PAFAH1B2: variants seen among roughly 807,000 people sequenced by gnomAD.
The protein encoded by PAFAH1B2 is platelet-activating factor acetylhydrolase IB subunit alpha2.
In PAFAH1B2, 8 loss-of-function variants were observed where a neutral mutation model predicts 28.0. The ratio of observed to expected loss-of-function variants is 0.29; its 90% confidence interval spans 0.17 to 0.52. PAFAH1B2 has a LOEUF of 0.52. PAFAH1B2 is among the 20% of genes least tolerant of loss of function. The pLI is 0.97. For synonymous variants in PAFAH1B2, 104 were observed against 103.2 expected, an observed-to-expected ratio of 1.01 and a Z score of -0.05; for missense variants, 190 against 282.6, an observed-to-expected ratio of 0.67 and a Z score of 2.35.
intron 5 of PAFAH1B2, among the ~76,000 whole-genome samples, chr11:117,165,761 T>A (rs539523433): frequency 6.6e-6 from 1 of 151,808 alleles, no homozygotes; most frequent in Non-Finnish European, 1.5e-5. Context: ...GTTTGTTGGG[T>A]GAGCAGAGGA....
intron 2 of PAFAH1B2, among the ~76,000 whole-genome samples, chr11:117,152,972 A>G (rs1460983459): frequency 1.3e-5 from 2 of 152,064 alleles, no homozygotes; most frequent in African/African-American, 4.8e-5. Context: ...AGGCTGAGGC[A>G]GGAGAATCGC....
chr11:117,162,049 A>G (rs911365458), intron 4 of PAFAH1B2, among the ~76,000 whole-genome samples: 1 of 152,190 alleles, frequency 6.6e-6, no homozygotes, highest in African/African-American at 2.4e-5. Flanking sequence ...ATCTTATATC[A>G]TAAATACTCT....
intron 1 of PAFAH1B2, among the ~76,000 whole-genome samples, chr11:117,146,301 C>T (rs1956006770): frequency 6.6e-6 from 1 of 151,678 alleles, no homozygotes. Flanking sequence ...CCACGTTGGC[C>T]AGGCAGGTCT....
At position 117,167,691 on chromosome 11, in the gene PAFAH1B2, A is replaced by G. The variant is rs1158661659; in HGVS notation, c.682A>G (p.Ile228Val). 2.6e-6 allele frequency: 4 copies of G among 1,547,520 alleles called. No homozygotes were observed. The highest frequency in any genetic ancestry group is 2.3e-5 in the East Asian group (1 of 43,456). ...AACACCTGAGGAGAAACAAACCACC[A>G]TTGCCTGACTGGCTCTTATCAGTGT... ...EETPEEKQTT[I>V]A is the part of the protein sequence containing the mutation. The change falls in exon 6 of 6, where the codon ATT (isoleucine) becomes GTT (valine). Residue 228 changes from isoleucine (I) to valine (V), a missense_variant. Physicochemically the swap from Ile to Val is conservative, Grantham distance 29. Coordinates refer to ENST00000527958, the MANE Select transcript of PAFAH1B2 (RefSeq NM_002572.4).
At chr11:117,150,457 T>A (rs540022335) in intron 1 of PAFAH1B2, among the ~76,000 whole-genome samples, 37 of 149,978 alleles carry the variant, frequency 2.5e-4, no homozygotes, top group Admixed American at 4.6e-4. Flanking sequence ...GCCGATGATG[T>A]TGTTTTTTTT....
At chr11:117,167,241 C>T (rs1017197360) in intron 5 of PAFAH1B2, among the ~76,000 whole-genome samples, 180 bp from the exon 6 acceptor site, 1 of 151,942 alleles carries the variant, frequency 6.6e-6, no homozygotes, top group Non-Finnish European at 1.5e-5. Flanking sequence ...GGAAGGGAAC[C>T]CATGAAAAAA....
At chr11:117,151,941 T>C (rs1018112220) in intron 1 of PAFAH1B2, among the ~76,000 whole-genome samples, 12 of 151,976 alleles carry the variant, frequency 7.9e-5, no homozygotes, top group Non-Finnish European at 4.4e-5. Context: ...TCTCCTGACC[T>C]CGTGATCCAC....
chr11:117,147,248 A>G (rs918006254), intron 1 of PAFAH1B2, among the ~76,000 whole-genome samples: 4 of 152,172 alleles, frequency 2.6e-5, no homozygotes, highest in African/African-American at 4.8e-5. Flanking sequence ...AGTCTGGGCA[A>G]CGGGAGCGAA....
At chr11:117,165,231 CGTG>C (rs931982045) in intron 5 of PAFAH1B2, among the ~76,000 whole-genome samples, 18 of 150,990 alleles carry the variant, frequency 1.2e-4, no homozygotes, top group Non-Finnish European at 2.1e-4. Flanking sequence ...CGATTACAGA[CGTG>C]AGCCATCACG....
In PAFAH1B2 at chr11:117,152,075, G is replaced by A. The variant is rs192174738; in HGVS notation, c.-7-366G>A. Among the ~76,000 whole-genome samples, 62 of 152,324 alleles carry A rather than the reference G, an allele frequency of 4.1e-4. 1 individual carries two copies. Among genetic ancestry groups the A allele is most frequent in the Non-Finnish European group, 7.8e-4 (53 of 68,032 alleles). On this transcript the variant is annotated intron_variant, in intron 1 of 5. Coordinates refer to ENST00000527958, the MANE Select transcript of PAFAH1B2 (RefSeq NM_002572.4). The stretch of plus-strand genomic sequence containing the variant: ...TAACAGCTGAAAAGCCTCTGATGTA[G>A]ATTTAATTGTACTGTAAGTGTCTAA...
Position 117,163,851 on chromosome 11 carries a change from C to T in PAFAH1B2, c.370C>T (p.Leu124Phe), listed in dbSNP as rs975224966. Residue 124 changes from leucine to phenylalanine, a missense_variant, in exon 5 of 6, where the codon CTT becomes TTT. By Grantham distance (22) the Leu-to-Phe change is conservative (BLOSUM62 0). Transcript: ENST00000527958. Reference sequence around the variant, plus strand: ...AGGTGGGATCGAGGCCATTGTACAACTTATCAACACAAGGCAGCCACAGGC... The same window carrying T: ...AGGTGGGATCGAGGCCATTGTACAATTTATCAACACAAGGCAGCCACAGGC... ...VAGGIEAIVQ[L>F]INTRQPQAKI... 3 of 1,613,840 alleles carry T rather than the reference C, an allele frequency of 1.9e-6. No individual in the cohort carries two copies. The highest frequency in any genetic ancestry group is 2.2e-5 in the East Asian group (1 of 44,888).
At chr11:117,172,232 A>C (rs1488142840), downstream of PAFAH1B2, among the ~76,000 whole-genome samples, 1 of 151,894 alleles carries the variant, frequency 6.6e-6, no homozygotes, top group African/African-American at 2.4e-5. Context: ...TCTTAACCCA[A>C]TGACATGTTT....
At chr11:117,164,743 G>A (rs983666509) in intron 5 of PAFAH1B2, among the ~76,000 whole-genome samples, 3 of 151,446 alleles carry the variant, frequency 2.0e-5, no homozygotes, top group Admixed American at 6.6e-5. Flanking sequence ...CAGTATAAAA[G>A]TCTAGCTGTA....
chr11:117,146,074 T>C (rs1955997292), intron 1 of PAFAH1B2, among the ~76,000 whole-genome samples: 1 of 152,008 alleles, frequency 6.6e-6, no homozygotes, highest in Non-Finnish European at 1.5e-5. Flanking sequence ...CAAAACTTGT[T>C]CTTCAGACCT....
downstream of PAFAH1B2, among the ~76,000 whole-genome samples, chr11:117,172,404 A>ATTT (rs375747711): frequency 5.8e-4 from 5 of 8,684 alleles, no homozygotes; most frequent in Non-Finnish European, 1.3e-3. Flanking sequence ...ATATATATAT[A>ATTT]TTTTTTTTTT....
At chr11:117,158,765 C>T (rs973425052) in intron 2 of PAFAH1B2, among the ~76,000 whole-genome samples, 1 of 151,278 alleles carries the variant, frequency 6.6e-6, no homozygotes, top group Non-Finnish European at 1.5e-5. Context: ...CTCCCTTAGC[C>T]TCCTGAGTAG....
At chr11:117,163,618 A>G in intron 4 of PAFAH1B2, 152 bp from the exon 5 acceptor site, 1 of 698,898 alleles carries the variant, frequency 1.4e-6, no homozygotes, top group Non-Finnish European at 2.4e-6. Flanking sequence ...GGTTGCAGTG[A>G]GCCGAAATGG....
At chr11:117,153,333 A>G (rs1457618110) in intron 2 of PAFAH1B2, among the ~76,000 whole-genome samples, 3 of 152,026 alleles carry the variant, frequency 2.0e-5, no homozygotes, top group Admixed American at 1.3e-4. Context: ...ATTTTACCGT[A>G]TCTGCCTAAT....
chr11:117,144,770 C>G lies in PAFAH1B2; in HGVS notation c.-8+352C>G, dbSNP rs1383652095. 3.9e-5 allele frequency among the ~76,000 whole-genome samples: 6 copies of G among 152,156 alleles called. No homozygotes were observed. The South Asian group carries it at 6.2e-4, about 16-fold the overall frequency. On this transcript the variant is annotated intron_variant, in intron 1 of 5. Coordinates refer to ENST00000527958, the MANE Select transcript of PAFAH1B2 (RefSeq NM_002572.4). ...CCCGCCCTGCCCTGCCCTGCCCTGC[C>G]GGGCCCACCCGCGGTAGGCCTTGCG...
Sources: gnomAD v4.1 joint callset for allele counts (sites outside exome capture counted in the v4.1 genomes callset) on GRCh38, gnomAD v4.1.1 for gene constraint, MANE v1.5 for transcripts, NCBI Gene and HGNC (gene_info 2026-07-23, HGNC 2026-07-21) for gene names.